Variants in JPH1 observed in about 807,000 individuals in gnomAD.
JPH1 encodes junctophilin 1.
A neutral mutation model predicts 53.6 loss-of-function variants in JPH1; 12 were observed. That is an observed-to-expected ratio of 0.22 (90% CI 0.14 to 0.36). The LOEUF (loss-of-function observed/expected upper bound fraction) is 0.36, where lower values mean the gene tolerates loss of function less well. Among genes scored for constraint, JPH1 ranks in the 10% least tolerant of loss-of-function variants. The pLI is 1.00. For synonymous variants in JPH1, 375 were observed against 363.8 expected (o/e 1.03, Z -0.35); for missense variants, 808 against 905.5 (o/e 0.89, Z 1.38).
chr8:74,301,926 AC>A (rs1490638331), intron 2 of JPH1, among the ~76,000 whole-genome samples: 1 of 152,220 alleles, frequency 6.6e-6, no homozygotes, highest in Non-Finnish European at 1.5e-5. Flanking sequence ...TAAGCAGGGT[AC>A]ATGGGTTCAA....
intron 3 of JPH1, among the ~76,000 whole-genome samples, chr8:74,247,698 G>C (rs1196588051): frequency 6.6e-6 from 1 of 152,130 alleles, no homozygotes; most frequent in Non-Finnish European, 1.5e-5. Flanking sequence ...GAAGATGTAA[G>C]ACCATGAGAT....
At position 74,241,761 on chromosome 8, in the gene JPH1, C is replaced by T. The variant is rs183135711; in HGVS notation, c.1905+2768G>A. 2.6e-4 allele frequency among the ~76,000 whole-genome samples: 39 copies of T among 152,076 alleles called. 2 individuals carry two copies. The highest frequency in any genetic ancestry group is 8.5e-4 in the Admixed American group (13 of 15,288). The stretch of plus-strand genomic sequence containing the variant: ...AGGTTCAAACCCAATTTGATGGGGA[C>T]GCTTTAAATTTTACACAAATTCAAA... On this transcript the variant is annotated intron_variant, in intron 4 of 5. Coordinates refer to ENST00000342232, the MANE Select transcript of JPH1 (RefSeq NM_020647.4).
chr8:74,246,117 C>T (rs1236399908), intron 3 of JPH1, among the ~76,000 whole-genome samples: 1 of 152,098 alleles, frequency 6.6e-6, no homozygotes, highest in African/African-American at 2.4e-5. Flanking sequence ...CGTACTTTGG[C>T]TACCACTCCA....
chr8:74,262,113 AC>A (rs112085866), intron 2 of JPH1, among the ~76,000 whole-genome samples: 3,233 of 152,226 alleles, frequency 0.021, 112 homozygotes, highest in African/African-American at 0.069. Flanking sequence ...GCTCAGTGCT[AC>A]TGTATAGCTG....
At chr8:74,237,758 A>T (rs1451596094) in intron 4 of JPH1, among the ~76,000 whole-genome samples, 3 of 152,176 alleles carry the variant, frequency 2.0e-5, no homozygotes, top group African/African-American at 4.8e-5. Flanking sequence ...ATTCAGGGAA[A>T]ACTCAAAACG....
chr8:74,277,949 T>G (rs906378917), intron 2 of JPH1, among the ~76,000 whole-genome samples: 1 of 152,230 alleles, frequency 6.6e-6, no homozygotes, highest in African/African-American at 2.4e-5. Context: ...GTTGCTTTTT[T>G]TGTTGTTGTT....
chr8:74,254,757 A>T (rs1369879063), intron 3 of JPH1, among the ~76,000 whole-genome samples: 2 of 152,102 alleles, frequency 1.3e-5, no homozygotes, highest in African/African-American at 2.4e-5. Context: ...ATAACAGACA[A>T]ACAGAGAGCC....
chr8:74,254,742 C>T (rs1186710655), intron 3 of JPH1, among the ~76,000 whole-genome samples: 1 of 152,082 alleles, frequency 6.6e-6, no homozygotes, highest in Non-Finnish European at 1.5e-5. Context: ...CATTCTTATA[C>T]ACCAATAACA....
chr8:74,246,178 G>A (rs946301428), intron 3 of JPH1, among the ~76,000 whole-genome samples: 1 of 152,132 alleles, frequency 6.6e-6, no homozygotes, highest in Non-Finnish European at 1.5e-5. Flanking sequence ...CACATGCAGT[G>A]CAACTGACCC....
intron 2 of JPH1, among the ~76,000 whole-genome samples, chr8:74,308,131 A>T (rs1277204667): frequency 6.6e-6 from 1 of 152,244 alleles, no homozygotes; most frequent in Non-Finnish European, 1.5e-5. Flanking sequence ...AAGCTCCCAC[A>T]TTCTGGTATC....
At chr8:74,307,529 A>T (rs2131455244) in intron 2 of JPH1, among the ~76,000 whole-genome samples, 1 of 152,342 alleles carries the variant, frequency 6.6e-6, no homozygotes, top group South Asian at 2.1e-4. Context: ...GAACTAAAGA[A>T]AATAACTAAT....
Position 74,315,432 on chromosome 8 carries a change from G to C in JPH1, c.568C>G (p.Arg190Gly), listed in dbSNP as rs1177151462. 4 of 1,611,718 alleles carry C rather than the reference G, an allele frequency of 2.5e-6. No individual in the cohort carries two copies. The change falls in exon 2 of 6, where the codon CGC (arginine) becomes GGC (glycine). Residue 190 changes from arginine to glycine, a missense_variant. Arg to Gly is a moderately radical substitution (Grantham distance 125). Transcript: ENST00000342232. This position sits in a 1 kb window ranked among gnomAD's most constrained non-coding sequence, Gnocchi z 6.3. ...AAAADSPAGT[R>G]GGFVLNFHAD... Reference sequence around the variant, plus strand: ...TGGAAGTTGAGCACGAAACCGCCGCGGGTGCCGGCCGGGCTGTCGGCGGCG... The same window carrying C: ...TGGAAGTTGAGCACGAAACCGCCGCCGGTGCCGGCCGGGCTGTCGGCGGCG...
rs1459361886 is a variant in JPH1 at position 74,319,643 on chromosome 8, TAAGTG to T, written c.379+1261_379+1265del. ...TGAAACACGGCCCAAGTGTTCTGAC[TAAGTG>T]AAGTGTACAAATTGTGTAAGCTTTT... On this transcript the variant is annotated intron_variant, in intron 1 of 5. Transcript: ENST00000342232. Among the ~76,000 whole-genome samples the T allele has an allele frequency of 2.6e-5, 4 of 152,356 alleles. No individual in the cohort carries two copies. The East Asian group carries it at 7.7e-4, about 29-fold the overall frequency.
chr8:74,299,861 C>T (rs932906238), intron 2 of JPH1, among the ~76,000 whole-genome samples: 7 of 152,226 alleles, frequency 4.6e-5, no homozygotes, highest in African/African-American at 1.7e-4. Context: ...AATATAGCAA[C>T]TGTAATTTAA....
chr8:74,271,695 G>A (rs1244377318), intron 2 of JPH1, among the ~76,000 whole-genome samples: 1 of 152,208 alleles, frequency 6.6e-6, no homozygotes, highest in African/African-American at 2.4e-5. Flanking sequence ...AATGGGAGAT[G>A]AGACTTCACA....
At chr8:74,287,434 T>A (rs1052093862) in intron 2 of JPH1, among the ~76,000 whole-genome samples, 5 of 150,154 alleles carry the variant, frequency 3.3e-5, no homozygotes, top group Non-Finnish European at 5.9e-5. Context: ...AAAAAAAAAA[T>A]TACTGTGAGT....
At chr8:74,281,046 C>T (rs1411783437) in intron 2 of JPH1, among the ~76,000 whole-genome samples, 4 of 152,178 alleles carry the variant, frequency 2.6e-5, no homozygotes, top group Non-Finnish European at 5.9e-5. Flanking sequence ...CTTTCCTCCG[C>T]GTGGTTCTGT....
intron 2 of JPH1, among the ~76,000 whole-genome samples, chr8:74,288,205 C>T (rs1807224741): frequency 6.6e-6 from 1 of 152,134 alleles, no homozygotes; most frequent in African/African-American, 2.4e-5. Context: ...GAAAAGCAGC[C>T]CCAGGAGGGG....
intron 3 of JPH1, among the ~76,000 whole-genome samples, chr8:74,248,124 T>C (rs1310346650): frequency 6.6e-6 from 1 of 152,176 alleles, no homozygotes; most frequent in African/African-American, 2.4e-5. Context: ...AGTTTTCTTG[T>C]CCTAAATGCA....
Sources: gnomAD v4.1 joint callset for allele counts (sites outside exome capture counted in the v4.1 genomes callset) on GRCh38, gnomAD v4.1.1 for gene constraint, Gnocchi (gnomAD v3.1) non-coding constraint, MANE v1.5 for transcripts, NCBI Gene and HGNC (gene_info 2026-07-23, HGNC 2026-07-21) for gene names.